Variants in PCDH7 observed in about 807,000 individuals in gnomAD.
The protein encoded by PCDH7 is protocadherin-7.
PCDH7 carries 17 observed loss-of-function variants against 58.9 expected under a neutral mutation model. The observed-to-expected ratio is 0.29, with a 90% confidence interval of 0.20 to 0.43. The LOEUF (loss-of-function observed/expected upper bound fraction) is 0.43. Ranked by LOEUF, PCDH7 falls within the 20% of genes least tolerant of loss-of-function variation. The probability of loss-of-function intolerance (pLI) is 1.00; values close to 1 mark genes in which losing one functional copy is unlikely to be tolerated. For missense variants in PCDH7, 1,274 were observed against 1,441.0 expected, an observed-to-expected ratio of 0.88 and a Z score of 1.88; for synonymous variants, 664 against 616.4, an observed-to-expected ratio of 1.08 and a Z score of -1.14.
intron 3 of PCDH7, among the ~76,000 whole-genome samples, chr4:31,018,412 C>A (rs1332186732): frequency 6.6e-6 from 1 of 152,178 alleles, no homozygotes; most frequent in Non-Finnish European, 1.5e-5. Flanking sequence ...TCCTCACTTA[C>A]TACCAGTATC....
chr4:31,018,940 G>T (rs1753816174), intron 3 of PCDH7, among the ~76,000 whole-genome samples: 1 of 152,126 alleles, frequency 6.6e-6, no homozygotes, highest in Non-Finnish European at 1.5e-5. Context: ...ATATAGGTAT[G>T]GTATACAGTG....
chr4:30,767,196 T>C (rs576733859), intron 1 of PCDH7, among the ~76,000 whole-genome samples: 26 of 152,350 alleles, frequency 1.7e-4, no homozygotes, highest in African/African-American at 6.3e-4. Context: ...CATTTAATGA[T>C]TCAATAGCAG....
intron 1 of PCDH7, among the ~76,000 whole-genome samples, chr4:30,866,429 G>A (rs1387788522): frequency 2.0e-5 from 3 of 152,042 alleles, no homozygotes; most frequent in Non-Finnish European, 4.4e-5. Context: ...AATGAGATCT[G>A]TTTGACCTGA....
rs749199799 is a variant in PCDH7 at position 30,721,865 on chromosome 4, T to C, written c.443T>C (p.Leu148Pro). The C allele has an allele frequency of 3.1e-6, 5 of 1,604,006 alleles. No individual in the cohort carries two copies. Among genetic ancestry groups the C allele is most frequent in the Non-Finnish European group, 4.3e-6 (5 of 1,175,918 alleles). ...ACGCCCACCTTCCCGTCGCCCGTGC[T>C]CACGCTCACGGTGGAGGAGAATCGG... The change falls in exon 1 of 2, where the codon CTC becomes CCC. Residue 148 changes from leucine to proline, a missense_variant. Physicochemically the swap from Leu to Pro is moderately conservative, Grantham distance 98. This residue lies in a region of PCDH7 where 212 missense variants were observed against 255.8 expected (regional missense o/e 0.83). Transcript: ENST00000361762. This position sits in a 1 kb window ranked among gnomAD's most constrained non-coding sequence, Gnocchi z 6.7.
chr4:30,980,228 TG>T (rs1192317858), intron 3 of PCDH7, among the ~76,000 whole-genome samples: 1 of 152,212 alleles, frequency 6.6e-6, no homozygotes, highest in Admixed American at 6.5e-5. Context: ...AGGACTACAG[TG>T]GAGCTTTCTG....
intron 1 of PCDH7, among the ~76,000 whole-genome samples, chr4:30,824,667 C>T (rs1417961890): frequency 2.6e-5 from 4 of 151,970 alleles, no homozygotes; most frequent in Admixed American, 1.3e-4. Flanking sequence ...AATACAGGCC[C>T]GGTTTTAGCA....
intron 3 of PCDH7, among the ~76,000 whole-genome samples, chr4:31,059,801 G>A (rs2109235858): frequency 6.6e-6 from 1 of 151,764 alleles, no homozygotes; most frequent in East Asian, 1.9e-4. Context: ...TGATTTATAT[G>A]TATGTATAAT....
intron 1 of PCDH7, among the ~76,000 whole-genome samples, chr4:30,807,467 G>A (rs141611543): frequency 7.2e-5 from 11 of 152,256 alleles, no homozygotes; most frequent in South Asian, 4.1e-4. Flanking sequence ...ATGGATTACT[G>A]TTTTACGGTG....
At chr4:31,077,392 A>G (rs1759093247) in intron 3 of PCDH7, among the ~76,000 whole-genome samples, 1 of 149,538 alleles carries the variant, frequency 6.7e-6, no homozygotes, top group Non-Finnish European at 1.5e-5. Flanking sequence ...CTGGGCAACA[A>G]GAGCGAAACT....
chr4:30,996,511 C>G (rs1751913222), intron 3 of PCDH7, among the ~76,000 whole-genome samples: 1 of 152,068 alleles, frequency 6.6e-6, no homozygotes, highest in South Asian at 2.1e-4. Context: ...CTTTTCTTCC[C>G]CTCCGAGAGA....
intron 2 of PCDH7, among the ~76,000 whole-genome samples, chr4:30,937,094 TC>T (rs1745449512): frequency 6.6e-6 from 1 of 151,974 alleles, no homozygotes; most frequent in Non-Finnish European, 1.5e-5. Flanking sequence ...GTCCCATGAC[TC>T]CCAAAGATTG....
chr4:31,053,863 TTA>T (rs1159627349), intron 3 of PCDH7, among the ~76,000 whole-genome samples: 1 of 151,988 alleles, frequency 6.6e-6, no homozygotes, highest in Non-Finnish European at 1.5e-5. Flanking sequence ...TAAAAATATG[TTA>T]TATATAAAAA....
intron 1 of PCDH7, among the ~76,000 whole-genome samples, chr4:30,771,785 T>C (rs1311631426): frequency 6.6e-6 from 1 of 152,212 alleles, no homozygotes; most frequent in Non-Finnish European, 1.5e-5. Flanking sequence ...CATAAAATGC[T>C]TTATGAAATT....
intron 1 of PCDH7, among the ~76,000 whole-genome samples, chr4:30,824,519 T>A (rs751018679): frequency 1.3e-5 from 2 of 152,116 alleles, no homozygotes; most frequent in South Asian, 2.1e-4. Context: ...TCACAACTAG[T>A]TGATAGAGAT....
chr4:31,106,639 T>C (rs1284769645), intron 3 of PCDH7, among the ~76,000 whole-genome samples: 1 of 152,228 alleles, frequency 6.6e-6, no homozygotes, highest in African/African-American at 2.4e-5. Flanking sequence ...TTATTAACCA[T>C]ACTTCCTGGC....
chr4:30,835,624 A>G (rs1177983252), intron 1 of PCDH7, among the ~76,000 whole-genome samples: 1 of 152,120 alleles, frequency 6.6e-6, no homozygotes, highest in African/African-American at 2.4e-5. Flanking sequence ...AAGAGAGGGC[A>G]TAGTAGGAGC....
chr4:30,914,240 G>A (rs577688419), intron 1 of PCDH7, among the ~76,000 whole-genome samples: 8 of 152,314 alleles, frequency 5.3e-5, no homozygotes, highest in African/African-American at 1.9e-4. Flanking sequence ...ATCAGCTGGA[G>A]GCTTAGAGGG....
At chr4:30,825,398 TTG>T (rs1277122875) in intron 1 of PCDH7, among the ~76,000 whole-genome samples, 1 of 152,154 alleles carries the variant, frequency 6.6e-6, no homozygotes, top group Non-Finnish European at 1.5e-5. Context: ...TCTTTTTTTG[TTG>T]TTTTTTCTCC....
chr4:30,825,168 A>T (rs548941900), intron 1 of PCDH7, among the ~76,000 whole-genome samples: 50 of 152,240 alleles, frequency 3.3e-4, no homozygotes, highest in Non-Finnish European at 5.3e-4. Flanking sequence ...TAATATGACC[A>T]TTGCTTTCCT....
Sources: allele counts gnomAD v4.1 joint callset (sites outside exome capture counted in the v4.1 genomes callset), GRCh38; gene constraint gnomAD v4.1.1; regional missense constraint gnomAD v4.1.1; non-coding constraint Gnocchi (gnomAD v3.1); transcripts MANE v1.5; gene names NCBI Gene and HGNC (gene_info 2026-07-23, HGNC 2026-07-21).